Variants in ABLIM3 observed in about 807,000 individuals in gnomAD.
ABLIM3 encodes actin binding LIM protein family member 3.
In ABLIM3, 61 loss-of-function variants were observed where a neutral mutation model predicts 109.5. The ratio of observed to expected loss-of-function variants is 0.56; its 90% CI spans 0.45 to 0.69. The LOEUF (loss-of-function observed/expected upper bound fraction) is 0.69, where lower values mean the gene tolerates loss of function less well. Ranked by LOEUF, ABLIM3 falls within the 30% of genes least tolerant of loss-of-function variation. The pLI is 0.00. For missense variants in ABLIM3, 796 were observed against 889.5 expected, an observed-to-expected ratio of 0.89 and a Z score of 1.34; for synonymous variants, 300 against 324.8, an observed-to-expected ratio of 0.92 and a Z score of 0.82.
At chr5:149,159,355 A>G (rs1754123135) in intron 2 of ABLIM3, among the ~76,000 whole-genome samples, 1 of 152,196 alleles carries the variant, frequency 6.6e-6, no homozygotes, top group South Asian at 2.1e-4. Context: ...ATTATAACAG[A>G]GTTTGCCTTT....
chr5:149,232,735 C>CATCAT (rs891059031), intron 9 of ABLIM3, among the ~76,000 whole-genome samples: 21 of 152,182 alleles, frequency 1.4e-4, no homozygotes, highest in African/African-American at 5.1e-4. Context: ...GCTATTAATC[C>CATCAT]ATCATTGCCA....
At chr5:149,234,419 T>C (rs1271475599) in intron 10 of ABLIM3, among the ~76,000 whole-genome samples, 1 of 152,134 alleles carries the variant, frequency 6.6e-6, no homozygotes, top group East Asian at 1.9e-4. Context: ...AAGCTCTAGA[T>C]AGAGTCAGCA....
intron 3 of ABLIM3, among the ~76,000 whole-genome samples, chr5:149,185,187 G>T (rs1561563260): frequency 6.6e-6 from 1 of 152,158 alleles, no homozygotes; most frequent in African/African-American, 2.4e-5. Flanking sequence ...TCTCTGGGTT[G>T]GCTGGGAAGT....
At chr5:149,184,931 G>A (rs1017470910) in intron 3 of ABLIM3, among the ~76,000 whole-genome samples, 6 of 152,124 alleles carry the variant, frequency 3.9e-5, no homozygotes, top group African/African-American at 1.4e-4. Flanking sequence ...TAACTGGTGT[G>A]ATTTGAATTT....
At chr5:149,239,343 C>A in intron 12 of ABLIM3, 66 bp downstream of exon 12, 3 of 1,544,320 alleles carry the variant, frequency 1.9e-6, no homozygotes, top group Non-Finnish European at 2.7e-6. Flanking sequence ...CTTCACCCAT[C>A]CCCAGCCCCC....
chr5:149,233,025 CT>C (rs67846985), intron 9 of ABLIM3, among the ~76,000 whole-genome samples: 2,763 of 152,304 alleles, frequency 0.018, 87 homozygotes, highest in African/African-American at 0.063. Flanking sequence ...TATTCCACCC[CT>C]AACAGCCTGA....
intron 10 of ABLIM3, among the ~76,000 whole-genome samples, chr5:149,234,056 C>T (rs1762119274): frequency 6.6e-6 from 1 of 152,212 alleles, no homozygotes; most frequent in Non-Finnish European, 1.5e-5. Context: ...GACTTGATGC[C>T]TGTCCTCATG....
Position 149,241,614 on chromosome 5 carries a change from C to T in ABLIM3, c.1303+840C>T, listed in dbSNP as rs1295296284. On this transcript the variant is annotated intron_variant, in intron 14 of 23. Coordinates refer to ENST00000309868, the MANE Select transcript of ABLIM3 (RefSeq NM_014945.5). ...TCTCTACTAAAAATATAAAAATTAGCTGGGCATGGTGGCTTGTACCTGTAA... is the reference window on the plus strand; with the variant it reads ...TCTCTACTAAAAATATAAAAATTAGTTGGGCATGGTGGCTTGTACCTGTAA... Among the ~76,000 whole-genome samples the T allele has an allele frequency of 2.6e-5, 4 of 152,274 alleles. No homozygotes were observed. In the South Asian group the frequency reaches 6.2e-4, roughly 24 times the overall value.
chr5:149,164,512 C>A (rs138532942), intron 2 of ABLIM3, among the ~76,000 whole-genome samples: 4 of 152,276 alleles, frequency 2.6e-5, no homozygotes, highest in African/African-American at 9.6e-5. Flanking sequence ...GGATGAACAT[C>A]ATCTAGGAAC....
intron 9 of ABLIM3, among the ~76,000 whole-genome samples, chr5:149,231,375 C>T (rs1365591081): frequency 6.6e-6 from 1 of 152,172 alleles, no homozygotes; most frequent in Admixed American, 6.5e-5. Flanking sequence ...AAGGATCCGG[C>T]TTCTGGGTCT....
At chr5:149,235,981 A>G (rs1379477200) in intron 10 of ABLIM3, among the ~76,000 whole-genome samples, 1 of 152,246 alleles carries the variant, frequency 6.6e-6, no homozygotes, top group Non-Finnish European at 1.5e-5. Flanking sequence ...GGGGAAGCCC[A>G]GCCTCCAGAG....
Position 149,247,885 on chromosome 5 carries a change from G to A in ABLIM3, c.1655G>A (p.Arg552Gln), listed in dbSNP as rs114364581. 6.3e-5 allele frequency: 102 copies of A among 1,614,186 alleles called. No homozygotes were observed. The African/African-American group carries it at 7.7e-4, about 12-fold the overall frequency. Residue 552 changes from arginine to glutamine, a missense_variant, in exon 18 of 24, where the codon CGG (arginine) becomes CAG (glutamine). Arg to Gln is a conservative substitution (Grantham distance 43, BLOSUM62 1). Coordinates refer to ENST00000309868, the MANE Select transcript of ABLIM3 (RefSeq NM_014945.5). ...WTPPRSSTSS[R>Q]EALHTAGYEM... Reference sequence around the variant, plus strand: ...CCTCCCCGGAGCTCCACCAGCAGCCGGGAAGCCCTGCACACAGCTGGCTAT... The same window carrying A: ...CCTCCCCGGAGCTCCACCAGCAGCCAGGAAGCCCTGCACACAGCTGGCTAT...
At chr5:149,179,595 A>G (rs1259916244) in intron 2 of ABLIM3, among the ~76,000 whole-genome samples, 4 of 152,044 alleles carry the variant, frequency 2.6e-5, no homozygotes, top group Non-Finnish European at 5.9e-5. Context: ...GATATTCCTA[A>G]ATTAATTTGT....
chr5:149,212,320 G>A (rs1759642752), intron 7 of ABLIM3, among the ~76,000 whole-genome samples: 1 of 152,182 alleles, frequency 6.6e-6, no homozygotes, highest in Non-Finnish European at 1.5e-5. Context: ...AGTCCAGGAA[G>A]GGTTGTTGGG....
intron 5 of ABLIM3, among the ~76,000 whole-genome samples, chr5:149,201,605 G>A (rs182236473): frequency 2.9e-4 from 44 of 152,240 alleles, no homozygotes; most frequent in Admixed American, 1.9e-3. Context: ...TGGAATGTGC[G>A]GAGCCCTTTC....
At chr5:149,252,143 T>G (rs963693824) in intron 21 of ABLIM3, 58 bp from the exon 22 acceptor site, 1 of 1,608,388 alleles carries the variant, frequency 6.2e-7, no homozygotes, top group African/African-American at 1.3e-5. Flanking sequence ...TGTGTAGTGA[T>G]GCAAAGCAAA....
At chr5:149,171,641 G>A (rs932827356) in intron 2 of ABLIM3, among the ~76,000 whole-genome samples, 1 of 152,176 alleles carries the variant, frequency 6.6e-6, no homozygotes, top group Non-Finnish European at 1.5e-5. Flanking sequence ...GAAGGTTAAG[G>A]TTAGGATCTG....
At chr5:149,187,533 T>C (rs1757076126) in intron 3 of ABLIM3, among the ~76,000 whole-genome samples, 1 of 152,392 alleles carries the variant, frequency 6.6e-6, no homozygotes, top group South Asian at 2.1e-4. Flanking sequence ...TTATACTTAA[T>C]GGTGAAAGAC....
At chr5:149,189,046 CAT>C (rs1391463427) in intron 3 of ABLIM3, among the ~76,000 whole-genome samples, 1 of 152,124 alleles carries the variant, frequency 6.6e-6, no homozygotes, top group Non-Finnish European at 1.5e-5. Flanking sequence ...AAAATATAAA[CAT>C]AAACTTATAT....
Sources: gnomAD v4.1 joint callset for allele counts (sites outside exome capture counted in the v4.1 genomes callset) on GRCh38, gnomAD v4.1.1 for gene constraint, MANE v1.5 for transcripts, NCBI Gene and HGNC (gene_info 2026-07-23, HGNC 2026-07-21) for gene names.